The following SRSF1 variants were observed in gnomAD, a reference collection of about 807,000 sequenced individuals.
SRSF1 encodes the protein serine and arginine rich splicing factor 1, also known as serine/arginine-rich splicing factor 1.
A neutral mutation model predicts 25.9 loss-of-function variants in SRSF1; 1 was observed. That is an observed-to-expected ratio of 0.04 (90% CI 0.01 to 0.18). The LOEUF is 0.18. Among genes scored for constraint, SRSF1 ranks in the 10% least tolerant of loss-of-function variants. SRSF1 has a pLI of 1.00. For missense variants in SRSF1, 65 were observed against 350.5 expected, an observed-to-expected ratio of 0.19 and a Z score of 6.50; for synonymous variants, 132 against 126.2, an observed-to-expected ratio of 1.05 and a Z score of -0.31.
rs902264988 is a variant in SRSF1 at position 58,007,159 on chromosome 17, C to T, written c.-22G>A. The T allele has an allele frequency of 1.9e-6, 3 of 1,612,928 alleles. No homozygotes were observed. The highest frequency in any genetic ancestry group is 2.2e-5 in the East Asian group (1 of 44,882). On this transcript the variant is annotated 5_prime_UTR_variant, in exon 1 of 4. Coordinates refer to ENST00000258962, the MANE Select transcript of SRSF1 (RefSeq NM_006924.5). ...ACATGGCGGTGACGAAAAGCGCGGA[C>T]TCGAGAACAGGCCTTCCCACCAAGC...
chr17:57,994,385 G>A, the SRSF1 span: 1 of 152,116 alleles, frequency 6.6e-6, no homozygotes, highest in African/African-American at 2.4e-5. Flanking sequence ...GTCTTCTCCC[G>A]AGAGAACTGA....
At chr17:58,006,022 C>T in intron 2 of SRSF1, 49 bp from the exon 3 acceptor site, 1 of 1,556,664 alleles carries the variant, frequency 6.4e-7, no homozygotes, top group Non-Finnish European at 8.7e-7. Flanking sequence ...TTAAATTTCA[C>T]GTTAAGCTGG....
downstream of SRSF1, among the ~76,000 whole-genome samples, chr17:57,996,500 A>AAAAC (rs1555574724): frequency 1.3e-5 from 2 of 151,272 alleles, no homozygotes; most frequent in African/African-American, 4.9e-5. Flanking sequence ...AAAAAAAAAA[A>AAAAC]AAACAGCCTT....
rs549142905 is a variant in SRSF1, at chr17:58,005,689, G to A, written c.553-89C>T. The stretch of plus-strand genomic sequence containing the variant: ...AATGAATACAATGTAACTAAAACCA[G>A]AAATCTGGCAATTTACTTGGACAAC... On this transcript the variant is annotated intron_variant, in intron 3 of 3. Transcript: ENST00000258962. The surrounding 1 kb of genome is among the most constrained non-coding windows in gnomAD (Gnocchi z 5.2). The A allele has an allele frequency of 2.0e-5, 32 of 1,607,612 alleles. No individual in the cohort carries two copies. The highest frequency in any genetic ancestry group is 1.3e-4 in the East Asian group (6 of 44,804).
the SRSF1 span, chr17:57,993,111 G>A: frequency 1.3e-5 from 2 of 152,080 alleles, no homozygotes; most frequent in Non-Finnish European, 2.9e-5. Flanking sequence ...TGCCTAAAGG[G>A]CCGATCTGGT....
rs1330270893 is a variant in SRSF1, at chr17:58,002,021, G to A, written c.*3385C>T. 2.6e-5 allele frequency among the ~76,000 whole-genome samples: 4 copies of A among 152,086 alleles called. No homozygotes were observed. The highest frequency in any genetic ancestry group is 5.9e-5 in the Non-Finnish European group (4 of 67,992). On this transcript the variant is annotated 3_prime_UTR_variant, in exon 4 of 4. Coordinates refer to ENST00000258962, the MANE Select transcript of SRSF1 (RefSeq NM_006924.5). ...TCCAAAACATTCAATGAACACAAAT[G>A]AACCAAAGTTTACTTAAGTCTAGCT...
downstream of SRSF1, among the ~76,000 whole-genome samples, chr17:57,997,327 TAA>T (rs2075369163): frequency 1.3e-5 from 2 of 152,198 alleles, no homozygotes; most frequent in African/African-American, 4.8e-5. Flanking sequence ...CCTTCTCCAA[TAA>T]TCCACCCAGT....
chr17:58,006,492 T>C lies in SRSF1; in HGVS notation c.230A>G (p.Tyr77Cys). 1 of 1,570,616 alleles carries C rather than the reference T, an allele frequency of 6.4e-7. No homozygotes were observed. The highest frequency in any genetic ancestry group is 8.7e-7 in the Non-Finnish European group (1 of 1,153,758). ...CCGCAGACGGTACCCATCGTAATCATAGCCGTCGCGACCATACACCGCGTC... is the reference window on the plus strand; with the variant it reads ...CCGCAGACGGTACCCATCGTAATCACAGCCGTCGCGACCATACACCGCGTC... ...AEDAVYGRDG[Y>C]DYDGYRLRVE... The change falls in exon 2 of 4, where the codon TAT becomes TGT. Residue 77 changes from tyrosine (Y) to cysteine (C), a missense_variant. By Grantham distance (194) the Tyr-to-Cys change is radical (BLOSUM62 -2). Transcript: ENST00000258962.
At chr17:57,992,815 CAA>C in the SRSF1 span, 1 of 152,336 alleles carries the variant, frequency 6.6e-6, no homozygotes, top group Admixed American at 6.5e-5. Flanking sequence ...ATTTGATCTT[CAA>C]CTGAGGGTCC....
downstream of SRSF1, among the ~76,000 whole-genome samples, chr17:57,996,694 A>T (rs1382484517): frequency 6.6e-6 from 1 of 152,128 alleles, no homozygotes; most frequent in East Asian, 1.9e-4. Flanking sequence ...AAGGGGTGAG[A>T]TTTTTAATGG....
chr17:57,996,160 C>A (rs897033204), downstream of SRSF1, among the ~76,000 whole-genome samples: 4 of 152,012 alleles, frequency 2.6e-5, no homozygotes, highest in African/African-American at 7.3e-5. Context: ...TTCTGGACAT[C>A]TTAGAAGAAA....
chr17:57,989,991 C>A, the SRSF1 span: 55 of 368,132 alleles, frequency 1.5e-4, no homozygotes, highest in Admixed American at 1.5e-3. Context: ...AGCAAATCTG[C>A]TTCTTCCCTG....
Position 58,005,487 on chromosome 17 carries a change from C to G in SRSF1, c.666G>C (p.Arg222Ser). 1 of 1,614,168 alleles carries G rather than the reference C, an allele frequency of 6.2e-7. No individual in the cohort carries two copies. The highest frequency in any genetic ancestry group is 8.5e-7 in the Non-Finnish European group (1 of 1,180,036). Residue 222 changes from arginine (R) to serine (S), a missense_variant, in exon 4 of 4, where the codon AGG (arginine) becomes AGC (serine). Physicochemically the swap from Arg to Ser is moderately radical, Grantham distance 110. This residue lies in a region of SRSF1 where 63 missense variants were observed against 284.8 expected (regional missense o/e 0.22). Transcript: ENST00000258962. The surrounding 1 kb of genome is among the most constrained non-coding windows in gnomAD (Gnocchi z 5.2). ...RSRSRSRSNS[R>S]SRSYSPRRSR... ...TTCTCCTTGGGGAGTAACTGCGACT[C>G]CTGCTGTTGCTTCTGCTACGGCTTC...
chr17:57,996,584 T>A (rs1198385076), downstream of SRSF1, among the ~76,000 whole-genome samples: 2 of 150,590 alleles, frequency 1.3e-5, no homozygotes, highest in African/African-American at 4.9e-5. Flanking sequence ...AAGGGCAACA[T>A]GTCCACCTGC....
At chr17:57,996,495 A>AAAAAC (rs1555574750), downstream of SRSF1, among the ~76,000 whole-genome samples, 1 of 150,908 alleles carries the variant, frequency 6.6e-6, no homozygotes. Flanking sequence ...AAAAAAAAAA[A>AAAAAC]AAAAAAAACA....
At position 58,007,223 on chromosome 17, in the gene SRSF1, C is replaced by A. The variant is rs2075437226; in HGVS notation, c.-86G>T. 1.3e-6 allele frequency: 2 copies of A among 1,504,000 alleles called. No homozygotes were observed. Among genetic ancestry groups the A allele is most frequent in the Admixed American group, 3.7e-5 (2 of 54,466 alleles). 93.2% of individuals were successfully genotyped at this position (1,504,000 alleles called of 1,614,324 possible). ...GAGCGAGCCCGCAGCGGCACCACGT[C>A]TCCCGCGGCCCCTCCAAAATGGCGC... On this transcript the variant is annotated 5_prime_UTR_variant, in exon 1 of 4. Coordinates refer to ENST00000258962, the MANE Select transcript of SRSF1 (RefSeq NM_006924.5).
Position 58,001,188 on chromosome 17 carries a change from TAAG to T in SRSF1, c.*4215_*4217del, listed in dbSNP as rs1173784510. On this transcript the variant is annotated 3_prime_UTR_variant, in exon 4 of 4. Coordinates refer to ENST00000258962, the MANE Select transcript of SRSF1 (RefSeq NM_006924.5). ...TACAAAGTAAGCAAAAAGGCACACA[TAAG>T]AAATCCACCTTGACCACAGAAATGT... is the stretch of plus-strand genomic sequence containing the variant. Among the ~76,000 whole-genome samples, 1 of 152,020 alleles carries T rather than the reference TAAG, an allele frequency of 6.6e-6. No homozygotes were observed. Among genetic ancestry groups the T allele is most frequent in the Non-Finnish European group, 1.5e-5 (1 of 67,970 alleles).
chr17:57,994,900 C>T, the SRSF1 span: 1 of 152,220 alleles, frequency 6.6e-6, no homozygotes, highest in Non-Finnish European at 1.5e-5. Flanking sequence ...AGGAGCTGTA[C>T]TGTCACTGGG....
Position 58,005,475 on chromosome 17 carries a change from G to A in SRSF1, c.678C>T (p.Tyr226=), listed in dbSNP as rs1313406697. 11 of 1,614,192 alleles carry A rather than the reference G, an allele frequency of 6.8e-6. No individual in the cohort carries two copies. Among genetic ancestry groups the A allele is most frequent in the South Asian group, 2.2e-5 (2 of 91,082 alleles). The change falls in exon 4 of 4, where the codon TAC becomes TAT. Residue 226 remains tyrosine, a synonymous_variant. Coordinates refer to ENST00000258962, the MANE Select transcript of SRSF1 (RefSeq NM_006924.5). This position sits in a 1 kb window ranked among gnomAD's most constrained non-coding sequence, Gnocchi z 5.2. ...RSRSNSRSRS[Y]SPRRSRGSPR... ...GTGATCCTCTGCTTCTCCTTGGGGA[G>A]TAACTGCGACTCCTGCTGTTGCTTC...
Sources: gnomAD v4.1 joint callset for allele counts (sites outside exome capture counted in the v4.1 genomes callset) on GRCh38, gnomAD v4.1.1 for gene constraint, gnomAD v4.1.1 regional missense constraint, Gnocchi (gnomAD v3.1) non-coding constraint, MANE v1.5 for transcripts, NCBI Gene and HGNC (gene_info 2026-07-23, HGNC 2026-07-21) for gene names.